The following CALN1 variants were observed in gnomAD, a reference collection of about 807,000 sequenced individuals.
CALN1 encodes the protein calcium-binding protein 8.
A neutral mutation model predicts 30.6 loss-of-function variants in CALN1; 17 were observed. The ratio of observed to expected loss-of-function variants is 0.56; its 90% CI spans 0.38 to 0.83. The LOEUF (loss-of-function observed/expected upper bound fraction) is 0.83, where lower values mean the gene tolerates loss of function less well. Among genes scored for constraint, CALN1 ranks in the 40% least tolerant of loss-of-function variants. The pLI, the probability that CALN1 is intolerant of heterozygous loss-of-function variation, is 0.00. For missense variants in CALN1, 291 were observed against 354.9 expected (o/e 0.82, Z 1.45); for synonymous variants, 156 against 131.4 (o/e 1.19, Z -1.28).
chr7:72,278,471 G>GCACACACACA (rs1562830253), intron 3 of CALN1, among the ~76,000 whole-genome samples: 1 of 93,144 alleles, frequency 1.1e-5, no homozygotes, highest in East Asian at 5.5e-4. Context: ...TATCAGGTCT[G>GCACACACACA]TACACACACA....
At position 72,113,023 on chromosome 7, in the gene CALN1, C is replaced by T. The variant is rs73371728; in HGVS notation, c.245-6729G>A. Among the ~76,000 whole-genome samples, 1,262 of 152,110 alleles carry T rather than the reference C, an allele frequency of 8.3e-3. 14 individuals are homozygous for T. The highest frequency in any genetic ancestry group is 0.026 in the African/African-American group (1,092 of 41,508). On this transcript the variant is annotated intron_variant, in intron 3 of 6. Transcript: ENST00000395275. The stretch of plus-strand genomic sequence containing the variant: ...GGGCATGTCTACAATTCTGGCTGCC[C>T]GGTGGGTGGAGAAACGAGAAACACT...
intron 5 of CALN1, among the ~76,000 whole-genome samples, chr7:72,015,936 G>C (rs1367058493): frequency 6.6e-6 from 1 of 152,054 alleles, no homozygotes; most frequent in Non-Finnish European, 1.5e-5. Context: ...AAACTATTAA[G>C]GTTCCATTAG....
chr7:72,357,046 C>T (rs1406856603), intron 2 of CALN1, among the ~76,000 whole-genome samples: 1 of 151,880 alleles, frequency 6.6e-6, no homozygotes, highest in Non-Finnish European at 1.5e-5. Flanking sequence ...TTTTTTAAAA[C>T]CTCCTCCCTG....
chr7:71,826,781 A>G (rs1166224094), intron 5 of CALN1, among the ~76,000 whole-genome samples: 2 of 152,096 alleles, frequency 1.3e-5, no homozygotes, highest in Non-Finnish European at 2.9e-5. Flanking sequence ...GGCTCCAGCA[A>G]TCCCCAGTCT....
At chr7:71,984,556 C>T (rs758364695) in intron 5 of CALN1, among the ~76,000 whole-genome samples, 2 of 152,138 alleles carry the variant, frequency 1.3e-5, no homozygotes, top group African/African-American at 2.4e-5. Flanking sequence ...GTTCCAGCCT[C>T]CAGTGACTCA....
intron 3 of CALN1, among the ~76,000 whole-genome samples, chr7:72,160,467 T>TG (rs893211778): frequency 2.6e-5 from 4 of 151,744 alleles, no homozygotes; most frequent in African/African-American, 9.7e-5. Flanking sequence ...TTAGTAGAGA[T>TG]GGGGTTTCAC....
intron 5 of CALN1, among the ~76,000 whole-genome samples, chr7:71,923,789 G>A (rs1272534793): frequency 9.4e-6 from 1 of 106,074 alleles, no homozygotes; most frequent in African/African-American, 4.6e-5. Context: ...CACCACAATA[G>A]ACCACAGTGT....
intron 5 of CALN1, among the ~76,000 whole-genome samples, chr7:71,938,844 G>A (rs1211941843): frequency 2.6e-5 from 4 of 152,094 alleles, no homozygotes; most frequent in African/African-American, 9.7e-5. Flanking sequence ...GACTCACTGA[G>A]AACAGAGAGC....
rs190666276 is a variant in CALN1 at position 72,012,444 on chromosome 7, G to A, written c.501+11213C>T. 7.1e-3 allele frequency among the ~76,000 whole-genome samples: 1,075 copies of A among 152,290 alleles called. 15 individuals carry two copies. The highest frequency in any genetic ancestry group is 0.025 in the African/African-American group (1,028 of 41,564). ...AAGAGAATCACTTGACCCAGGAGGC[G>A]GAGGGTGCAGTGAGCCGAGGTCGTG... On this transcript the variant is annotated intron_variant, in intron 5 of 6. Transcript: ENST00000395275.
At chr7:72,387,290 G>GAGGA (rs1414407806) in intron 2 of CALN1, among the ~76,000 whole-genome samples, 434 of 9,320 alleles carry the variant, frequency 0.047, 95 homozygotes, top group East Asian at 0.15. Flanking sequence ...GGGAGGGAGG[G>GAGGA]AGGGAGGGAG....
Position 71,978,262 on chromosome 7 carries a change from C to CTTTTTTT in CALN1, c.501+45388_501+45394dup, listed in dbSNP as rs1010635078. Among the ~76,000 whole-genome samples the CTTTTTTT allele has an allele frequency of 9.5e-4, 69 of 72,928 alleles. 5 individuals are homozygous for CTTTTTTT. The highest frequency in any genetic ancestry group is 3.6e-3 in the East Asian group (6 of 1,676). 47.8% of individuals were successfully genotyped at this position (72,928 alleles called of 152,430 possible). ...AAAAACTCAGGGACTCTAGAGAATT[C>CTTTTTTT]TTTTTTTTTTTTTTTTTTTTTTTTT... On this transcript the variant is annotated intron_variant, in intron 5 of 6. Transcript: ENST00000395275.
chr7:71,809,385 A>G (rs6977164), intron 6 of CALN1, among the ~76,000 whole-genome samples: 52,952 of 148,014 alleles, frequency 0.36, 10,057 homozygotes, highest in East Asian at 0.6. Flanking sequence ...AGACAGCTAC[A>G]AGACCAGGCA....
chr7:72,086,602 T>C (rs1362331595), intron 4 of CALN1, among the ~76,000 whole-genome samples: 2 of 152,044 alleles, frequency 1.3e-5, no homozygotes, highest in Non-Finnish European at 2.9e-5. Flanking sequence ...CCTGGCTACA[T>C]TGTATTTTTT....
chr7:71,886,468 C>T (rs543689309), intron 5 of CALN1, among the ~76,000 whole-genome samples: 1 of 152,154 alleles, frequency 6.6e-6, no homozygotes, highest in African/African-American at 2.4e-5. Flanking sequence ...CAAGAGTCTG[C>T]GGTCAATTAT....
intron 4 of CALN1, among the ~76,000 whole-genome samples, chr7:72,067,752 T>C (rs1049674215): frequency 6.6e-6 from 1 of 152,244 alleles, no homozygotes; most frequent in African/African-American, 2.4e-5. Context: ...CTCTCTCATG[T>C]ACCTGGGCAG....
chr7:72,245,412 A>T lies in CALN1; in HGVS notation c.244+33274T>A, dbSNP rs190032946. On this transcript the variant is annotated intron_variant, in intron 3 of 6. Transcript: ENST00000395275. ...GGCGGGTGGAGCACCTGAGGTCAGGAGTTCGAGACCAGCCTGACCAACATG... is the reference window on the plus strand; with the variant it reads ...GGCGGGTGGAGCACCTGAGGTCAGGTGTTCGAGACCAGCCTGACCAACATG... Among the ~76,000 whole-genome samples the T allele has an allele frequency of 7.2e-3, 1,095 of 152,088 alleles. 17 individuals are homozygous for T. The highest frequency in any genetic ancestry group is 0.025 in the African/African-American group (1,041 of 41,482).
intron 5 of CALN1, among the ~76,000 whole-genome samples, chr7:71,854,321 G>A (rs887654770): frequency 3.3e-5 from 5 of 151,602 alleles, no homozygotes; most frequent in African/African-American, 4.9e-5. Flanking sequence ...CTCGGTGACA[G>A]AGCAAGACTC....
chr7:71,847,822 G>GGAGAAT, intron 5 of CALN1, among the ~76,000 whole-genome samples: 1 of 100,778 alleles, frequency 9.9e-6, no homozygotes, highest in East Asian at 6.2e-4. Flanking sequence ...AGAAGGAGAA[G>GGAGAAT]GAGAAGGAGA....
At chr7:72,245,588 A>T (rs537699580) in intron 3 of CALN1, among the ~76,000 whole-genome samples, 3 of 152,142 alleles carry the variant, frequency 2.0e-5, no homozygotes, top group African/African-American at 7.2e-5. Flanking sequence ...ACTGCACTCC[A>T]GCCTGGGCAA....
Sources: allele counts gnomAD v4.1 joint callset (sites outside exome capture counted in the v4.1 genomes callset), GRCh38; gene constraint gnomAD v4.1.1; transcripts MANE v1.5; gene names NCBI Gene and HGNC (gene_info 2026-07-23, HGNC 2026-07-21).